The following RELN variants were observed in gnomAD, a reference collection of about 807,000 sequenced individuals.
The protein encoded by RELN is reelin.
Under a neutral mutation model 427.6 loss-of-function variants are expected in RELN, and 108 were observed. The ratio of observed to expected loss-of-function variants is 0.25; its 90% CI spans 0.22 to 0.30. RELN has a LOEUF of 0.30. RELN is among the 10% of genes least tolerant of loss of function. The pLI is 1.00. For missense variants in RELN, 3,715 were observed against 4,302.8 expected, an observed-to-expected ratio of 0.86 and a Z score of 3.82; for synonymous variants, 1,524 against 1,513.4, an observed-to-expected ratio of 1.01 and a Z score of -0.16.
intron 2 of RELN, among the ~76,000 whole-genome samples, chr7:103,854,961 CAA>C (rs1793909246): frequency 6.6e-6 from 1 of 151,986 alleles, no homozygotes. Flanking sequence ...TTTGTGAGAC[CAA>C]AGAGATGGCA....
chr7:103,795,426 A>G, intron 3 of RELN, among the ~76,000 whole-genome samples: 1 of 152,228 alleles, frequency 6.6e-6, no homozygotes, highest in East Asian at 1.9e-4. Context: ...TCCAGTGTGG[A>G]TAATCGGGAG....
At chr7:103,967,850 C>G (rs796279536) in intron 1 of RELN, among the ~76,000 whole-genome samples, 4 of 152,326 alleles carry the variant, frequency 2.6e-5, no homozygotes, top group African/African-American at 7.2e-5. Flanking sequence ...CATACCGGAA[C>G]CATCTTTGAT....
chr7:103,508,033 CA>C (rs1829273606), intron 51 of RELN, among the ~76,000 whole-genome samples: 1 of 152,160 alleles, frequency 6.6e-6, no homozygotes, highest in Non-Finnish European at 1.5e-5. Flanking sequence ...GAAATTGAGG[CA>C]GTAATTAATA....
chr7:103,899,026 AAGAT>A (rs1488769163), intron 2 of RELN, among the ~76,000 whole-genome samples: 17 of 152,128 alleles, frequency 1.1e-4, no homozygotes, highest in Middle Eastern at 3.4e-3. Context: ...AACTAGTTCT[AAGAT>A]AGATAGACCA....
Position 103,986,313 on chromosome 7 carries a change from G to A in RELN, c.226+2818C>T, listed in dbSNP as rs541794455. Among the ~76,000 whole-genome samples the A allele has an allele frequency of 2.8e-4, 42 of 152,296 alleles. 1 individual carries two copies. The highest frequency in any genetic ancestry group is 9.9e-4 in the African/African-American group (41 of 41,556). Reference sequence around the variant, plus strand: ...CCATGCACTATTTATAGAGTTGCCAGTACTGAAAATAGATGGATATACTAC... The same window carrying A: ...CCATGCACTATTTATAGAGTTGCCAATACTGAAAATAGATGGATATACTAC... On this transcript the variant is annotated intron_variant, in intron 1 of 64. Coordinates refer to ENST00000428762, the MANE Select transcript of RELN (RefSeq NM_005045.4).
chr7:103,907,412 C>CGG (rs1795233517), intron 2 of RELN, among the ~76,000 whole-genome samples: 1 of 30,228 alleles, frequency 3.3e-5, no homozygotes, highest in African/African-American at 1.4e-4. Flanking sequence ...GATCAAGGCT[C>CGG]TGGAAAAAAA....
chr7:103,848,737 T>C (rs1793742527), intron 2 of RELN, among the ~76,000 whole-genome samples: 1 of 152,150 alleles, frequency 6.6e-6, no homozygotes, highest in Non-Finnish European at 1.5e-5. Context: ...TATATAAAAA[T>C]GTTGGGCAAT....
At chr7:103,531,759 T>C (rs976757356) in intron 46 of RELN, among the ~76,000 whole-genome samples, 3 of 151,512 alleles carry the variant, frequency 2.0e-5, no homozygotes, top group African/African-American at 7.3e-5. Context: ...CTGTGGCTAT[T>C]ACAAAAGTAA....
At chr7:103,604,531 G>C (rs1831768237) in intron 22 of RELN, 48 bp from the exon 23 acceptor site, 1 of 1,604,402 alleles carries the variant, frequency 6.2e-7, no homozygotes, top group Admixed American at 1.7e-5. Context: ...CCTTTCAGCA[G>C]TGACATTGGC....
rs1233587607 is a variant in RELN at position 103,790,297 on chromosome 7, AT to A, written c.474-13671del. Reference sequence around the variant, plus strand: ...ATGTATAACTATGTAACAAACCTGCATGTTCTGCACATGTATTCCAGAACTA... The same window carrying A: ...ATGTATAACTATGTAACAAACCTGCAGTTCTGCACATGTATTCCAGAACTA... On this transcript the variant is annotated intron_variant, in intron 3 of 64. Coordinates refer to ENST00000428762, the MANE Select transcript of RELN (RefSeq NM_005045.4). 5.3e-5 allele frequency among the ~76,000 whole-genome samples: 8 copies of A among 152,300 alleles called. No individual in the cohort carries two copies. In the South Asian group the frequency reaches 1.2e-3, roughly 24 times the overall value.
chr7:103,805,137 C>T (rs951116595), intron 3 of RELN, among the ~76,000 whole-genome samples: 1 of 151,880 alleles, frequency 6.6e-6, no homozygotes, highest in Non-Finnish European at 1.5e-5. Context: ...CACTAACAAT[C>T]TGGCTGAGTG....
chr7:103,925,397 C>A (rs1434241697), intron 1 of RELN, among the ~76,000 whole-genome samples: 2 of 152,006 alleles, frequency 1.3e-5, no homozygotes, highest in East Asian at 3.9e-4. Flanking sequence ...TATTATATAA[C>A]CCAAAATTTT....
chr7:103,523,340 T>C (rs2117094589), intron 47 of RELN, 51 bp downstream of exon 47: 2 of 1,610,830 alleles, frequency 1.2e-6, no homozygotes, highest in East Asian at 4.5e-5. Flanking sequence ...ATCTCCTAGA[T>C]GGAATGTGAA....
rs1214570292 is a variant in RELN, at chr7:103,698,030, C to T, written c.966G>A (p.Glu322=). 2 of 1,613,846 alleles carry T rather than the reference C, an allele frequency of 1.2e-6. No homozygotes were observed. The highest frequency in any genetic ancestry group is 1.1e-5 in the South Asian group (1 of 91,082). Residue 322 remains glutamate (E), a synonymous_variant, in exon 10 of 65, where the codon GAG becomes GAA. Transcript: ENST00000428762. ...ILYLPEDAKG[E]NVQFQWKQEN... ...CCTGCTTCCACTGAAATTGGACATT[C>T]TCCCCTTTGGCGTCCTCAGGAAGGT... is the stretch of plus-strand genomic sequence containing the variant.
intron 2 of RELN, among the ~76,000 whole-genome samples, chr7:103,846,063 G>T (rs1479960669): frequency 2.6e-5 from 4 of 152,182 alleles, no homozygotes; most frequent in African/African-American, 9.6e-5. Flanking sequence ...TTTCTCCACA[G>T]AATTAGAAAG....
intron 1 of RELN, among the ~76,000 whole-genome samples, chr7:103,928,973 T>C (rs1795803084): frequency 6.6e-6 from 1 of 152,208 alleles, no homozygotes; most frequent in Non-Finnish European, 1.5e-5. Flanking sequence ...CAATGTTACA[T>C]ATATTATAAT....
chr7:103,556,028 A>G (rs761763635), intron 38 of RELN, among the ~76,000 whole-genome samples: 3 of 152,248 alleles, frequency 2.0e-5, no homozygotes, highest in Non-Finnish European at 4.4e-5. Flanking sequence ...CTTTATAATC[A>G]GCAGTTAATA....
chr7:103,514,066 C>A (rs117497956), intron 50 of RELN: 5 of 151,946 alleles, frequency 3.3e-5, no homozygotes, highest in African/African-American at 1.2e-4. Context: ...TCTTATCAGT[C>A]TTATTATTGT....
chr7:103,817,166 C>T (rs764752730), intron 3 of RELN, among the ~76,000 whole-genome samples: 3 of 152,086 alleles, frequency 2.0e-5, no homozygotes, highest in Admixed American at 6.6e-5. Context: ...GCTTATATTT[C>T]TTTATGTTTG....
Sources: gnomAD v4.1 joint callset for allele counts (sites outside exome capture counted in the v4.1 genomes callset) on GRCh38, gnomAD v4.1.1 for gene constraint, MANE v1.5 for transcripts, NCBI Gene and HGNC (gene_info 2026-07-23, HGNC 2026-07-21) for gene names.